The following RIMS3 variants were observed in gnomAD, a reference collection of about 807,000 sequenced individuals.
RIMS3 encodes the protein regulating synaptic membrane exocytosis 3.
Under a neutral mutation model 29.2 loss-of-function variants are expected in RIMS3, and 15 were observed. The observed-to-expected ratio is 0.51, with a 90% CI of 0.34 to 0.79. The LOEUF (loss-of-function observed/expected upper bound fraction) is 0.79, where lower values mean the gene tolerates loss of function less well. RIMS3 is among the 30% of genes least tolerant of loss of function. The pLI, the probability that RIMS3 is intolerant of heterozygous loss-of-function variation, is 0.01. For synonymous variants in RIMS3, 161 were observed against 170.1 expected (o/e 0.95, Z 0.41); for missense variants, 342 against 421.4 (o/e 0.81, Z 1.65).
chr1:40,645,168 G>A (rs1414793809), intron 2 of RIMS3, among the ~76,000 whole-genome samples: 1 of 152,156 alleles, frequency 6.6e-6, no homozygotes, highest in Non-Finnish European at 1.5e-5. Flanking sequence ...CCCTGGACTG[G>A]GGCCTATGAT....
the RIMS3 span, among the ~76,000 whole-genome samples, chr1:40,685,354 TATATA>T: frequency 7.0e-4 from 34 of 48,762 alleles, no homozygotes; most frequent in South Asian, 1.1e-3. Context: ...ATATATATAT[TATATA>T]ATATAATATA....
the RIMS3 span, among the ~76,000 whole-genome samples, chr1:40,673,718 C>T: frequency 6.6e-5 from 10 of 152,350 alleles, no homozygotes; most frequent in East Asian, 7.7e-4. Flanking sequence ...TTTCTCCAGT[C>T]GTCCCTGTCC....
At position 40,633,167 on chromosome 1, in the gene RIMS3, G is replaced by A. The variant is rs374939635; in HGVS notation, c.374C>T (p.Thr125Ile). The part of the protein sequence containing the change: ...NSSDGTFIFP[T>I]TRLGAESQFS... ...CTGGCTTTCAGCCCCTAGCCGGGTA[G>A]TGGGGAAGATGAACCTGCAGGAGGA... Residue 125 changes from threonine (T) to isoleucine (I), a missense_variant, in exon 5 of 8, where the codon ACT (threonine) becomes ATT (isoleucine). Transcript: ENST00000372684. 1.2e-6 allele frequency: 2 copies of A among 1,613,958 alleles called. No individual in the cohort carries two copies. Among genetic ancestry groups the A allele is most frequent in the African/African-American group, 1.3e-5 (1 of 74,948 alleles).
the RIMS3 span, among the ~76,000 whole-genome samples, chr1:40,687,196 T>C: frequency 1.3e-5 from 2 of 152,176 alleles, no homozygotes; most frequent in Non-Finnish European, 1.5e-5. Context: ...GAAAAGAGAA[T>C]AGGGCGTAAG....
At chr1:40,684,600 G>A in the RIMS3 span, among the ~76,000 whole-genome samples, 3 of 151,052 alleles carry the variant, frequency 2.0e-5, no homozygotes, top group East Asian at 3.9e-4. Context: ...AAGAGAAAGT[G>A]GGAAAACATG....
At chr1:40,665,942 C>G (rs933388868), upstream of RIMS3, among the ~76,000 whole-genome samples, 13 of 152,322 alleles carry the variant, frequency 8.5e-5, no homozygotes, top group Non-Finnish European at 1.6e-4. Flanking sequence ...ACCACCTACC[C>G]TATCTGTTCT....
rs148215755 is a variant in RIMS3, at chr1:40,643,102, T to C, written c.-31-1146A>G. ...CGCTTAGATCAGGCCCAAGTTTATC[T>C]CCTCTTTCTCTCTTTCCTCTCTTTT... On this transcript the variant is annotated intron_variant, in intron 2 of 7. Coordinates refer to ENST00000372684, the MANE Select transcript of RIMS3 (RefSeq NM_014747.3). 1.1e-3 allele frequency among the ~76,000 whole-genome samples: 171 copies of C among 152,238 alleles called. 3 individuals carry two copies. The highest frequency in any genetic ancestry group is 4.0e-3 in the African/African-American group (165 of 41,540).
Position 40,626,538 on chromosome 1 carries a change from G to A in RIMS3, c.906C>T (p.Ala302=), listed in dbSNP as rs1646455393. 2.5e-6 allele frequency: 4 copies of A among 1,610,254 alleles called. No individual in the cohort carries two copies. Among genetic ancestry groups the A allele is most frequent in the African/African-American group, 2.7e-5 (2 of 74,872 alleles). Residue 302 remains alanine, a synonymous_variant, in exon 8 of 8, where the codon GCC becomes GCT. Transcript: ENST00000372684. Reference sequence around the variant, plus strand: ...ATCCTTAAGAGCATGAGGGGCTGGTGGCACTCTCCAGGGAAGACTGGGACA... The same window carrying A: ...ATCCTTAAGAGCATGAGGGGCTGGTAGCACTCTCCAGGGAAGACTGGGACA... ...RRLSQSSLES[A]TSPSCS
rs1646520260 is a variant in RIMS3 at position 40,636,365 on chromosome 1, A to G, written c.218-308T>C. Among the ~76,000 whole-genome samples, 1 of 152,094 alleles carries G rather than the reference A, an allele frequency of 6.6e-6. No homozygotes were observed. Among genetic ancestry groups the G allele is most frequent in the Non-Finnish European group, 1.5e-5 (1 of 68,014 alleles). ...CTGGGGCCCTCGCCTCACCCTCATC[A>G]GGCTCCCCTGACGCCCACCTTCCCA... On this transcript the variant is annotated intron_variant, in intron 3 of 7. Transcript: ENST00000372684. The surrounding 1 kb of genome is among the most constrained non-coding windows in gnomAD (Gnocchi z 4.2).
the RIMS3 span, chr1:40,687,432 T>A: frequency 1.3e-5 from 2 of 151,600 alleles, no homozygotes; most frequent in Non-Finnish European, 2.9e-5. Flanking sequence ...TGAAACCCCG[T>A]CTCTACTAAA....
At chr1:40,683,446 A>G in the RIMS3 span, among the ~76,000 whole-genome samples, 2 of 152,208 alleles carry the variant, frequency 1.3e-5, no homozygotes, top group Admixed American at 6.5e-5. Context: ...CCTCTCTCAC[A>G]TGCACACTTC....
At chr1:40,648,127 C>T (rs1646607186) in intron 1 of RIMS3, among the ~76,000 whole-genome samples, 1 of 152,160 alleles carries the variant, frequency 6.6e-6, no homozygotes, top group African/African-American at 2.4e-5. Flanking sequence ...TGCTAAGGAG[C>T]TCTAGACCCT....
At chr1:40,673,942 CA>C in the RIMS3 span, among the ~76,000 whole-genome samples, 18,659 of 152,054 alleles carry the variant, frequency 0.12, 1,261 homozygotes, top group African/African-American at 0.15. Context: ...GTAAAGTGAT[CA>C]GCAGTGACTG....
Position 40,629,311 on chromosome 1 carries a change from A to G in RIMS3, c.534T>C (p.Ala178=). The G allele has an allele frequency of 6.2e-7, 1 of 1,614,090 alleles. No homozygotes were observed. The highest frequency in any genetic ancestry group is 8.5e-7 in the Non-Finnish European group (1 of 1,180,006). ...AGCCTGGTTTGGGGGTCAGGCCCCG[A>G]GCTTCAATCACTTCCACCTCCAGCT... ...SGQLEVEVIE[A]RGLTPKPGSK... Residue 178 remains alanine, a synonymous_variant, in exon 6 of 8, where the codon GCT becomes GCC. Coordinates refer to ENST00000372684, the MANE Select transcript of RIMS3 (RefSeq NM_014747.3).
chr1:40,650,219 C>G (rs1293416192), intron 1 of RIMS3, among the ~76,000 whole-genome samples: 1 of 152,194 alleles, frequency 6.6e-6, no homozygotes, highest in Non-Finnish European at 1.5e-5. Flanking sequence ...CCGCTGGGGT[C>G]ACCCAGCAGC....
At chr1:40,659,955 T>C (rs1243297133) in intron 1 of RIMS3, among the ~76,000 whole-genome samples, 2 of 152,056 alleles carry the variant, frequency 1.3e-5, no homozygotes, top group Non-Finnish European at 2.9e-5. Flanking sequence ...AGCAGGGAAA[T>C]GACACAATCC....
chr1:40,664,625 C>A (rs1167329413), intron 1 of RIMS3, among the ~76,000 whole-genome samples: 1 of 152,188 alleles, frequency 6.6e-6, no homozygotes, highest in African/African-American at 2.4e-5. Flanking sequence ...GTTCTCCAGC[C>A]TTGATATGCC....
At chr1:40,668,040 C>G (rs748274210), upstream of RIMS3, among the ~76,000 whole-genome samples, 1 of 152,106 alleles carries the variant, frequency 6.6e-6, no homozygotes, top group East Asian at 1.9e-4. Context: ...ATCACAAGAT[C>G]AAGAGATTGA....
At chr1:40,667,600 G>A (rs944499022), upstream of RIMS3, among the ~76,000 whole-genome samples, 3 of 152,200 alleles carry the variant, frequency 2.0e-5, no homozygotes, top group Non-Finnish European at 4.4e-5. Flanking sequence ...CTGGATGGGA[G>A]GTGGGTGGAG....
Sources: allele counts gnomAD v4.1 joint callset (sites outside exome capture counted in the v4.1 genomes callset), GRCh38; gene constraint gnomAD v4.1.1; non-coding constraint Gnocchi (gnomAD v3.1); transcripts MANE v1.5; gene names NCBI Gene and HGNC (gene_info 2026-07-23, HGNC 2026-07-21).